Variants in ZNF726 observed in about 807,000 individuals in gnomAD.
ZNF726 encodes the protein zinc finger protein 726, also known as zinc finger protein 92 pseudogene 3.
In ZNF726, 15 loss-of-function variants were observed where a neutral mutation model predicts 11.6. The observed-to-expected ratio is 1.29, with a 90% CI of 0.86 to 1.99. The LOEUF (loss-of-function observed/expected upper bound fraction) is 1.99. Ranked by LOEUF, ZNF726 falls within the 30% of genes most tolerant of loss-of-function variation. The pLI, the probability that ZNF726 is intolerant of heterozygous loss-of-function variation, is 0.00. For missense variants in ZNF726, 890 were observed against 725.6 expected (o/e 1.23, Z -2.60); for synonymous variants, 295 against 243.6 (o/e 1.21, Z -1.96).
At position 23,933,386 on chromosome 19, in the gene ZNF726, C is replaced by G. The variant is rs760223856; in HGVS notation, c.1270C>G (p.Pro424Ala). 3 of 1,612,568 alleles carry G rather than the reference C, an allele frequency of 1.9e-6. No homozygotes were observed. The highest frequency in any genetic ancestry group is 2.5e-6 in the Non-Finnish European group (3 of 1,179,640). Residue 424 changes from proline (P) to alanine (A), a missense_variant, in exon 4 of 4, where the codon CCT (proline) becomes GCT (alanine). Coordinates refer to ENST00000594466, the MANE Select transcript of ZNF726 (RefSeq NM_001244038.2). ...KHKIIHTGEKPYKCEECGKAF... is the reference protein window; with the variant it reads ...KHKIIHTGEKAYKCEECGKAF... ...TAAGATAATTCATACTGGAGAGAAA[C>G]CTTACAAGTGTGAAGAATGCGGCAA...
chr19:23,917,238 A>G (rs1026058272), intron 1 of ZNF726, among the ~76,000 whole-genome samples: 7 of 152,260 alleles, frequency 4.6e-5, no homozygotes, highest in African/African-American at 1.7e-4. Flanking sequence ...GGCATGAGCC[A>G]CTGTGCTCAG....
downstream of ZNF726, chr19:23,934,515 C>A (rs1968194898): frequency 2.7e-6 from 1 of 372,164 alleles, no homozygotes; most frequent in Non-Finnish European, 5.3e-6. Flanking sequence ...TTCCATTGCA[C>A]CTTTATTGTT....
intron 3 of ZNF726, among the ~76,000 whole-genome samples, chr19:23,940,989 T>G (rs1391421410): frequency 6.6e-6 from 1 of 152,128 alleles, no homozygotes; most frequent in Non-Finnish European, 1.5e-5. Context: ...TCTTGTCTTA[T>G]TGCTCTAGGT....
chr19:23,917,991 G>T (rs1967745850), intron 1 of ZNF726, among the ~76,000 whole-genome samples: 1 of 152,146 alleles, frequency 6.6e-6, no homozygotes. Context: ...TGTCTCCATT[G>T]GCTGGAGTTG....
chr19:23,933,572 T>C lies in ZNF726; in HGVS notation c.1456T>C (p.Cys486Arg), dbSNP rs753009821. ...TGEKPYKCEE[C>R]GKAFSQSSTL... ...AGAGAAACCCTACAAATGTGAAGAA[T>C]GTGGCAAAGCTTTTAGCCAGTCCTC... The change falls in exon 4 of 4, where the codon TGT becomes CGT. Residue 486 changes from cysteine to arginine, a missense_variant. Coordinates refer to ENST00000594466, the MANE Select transcript of ZNF726 (RefSeq NM_001244038.2). 6.2e-7 allele frequency: 1 copy of C among 1,612,164 alleles called. No individual in the cohort carries two copies. Among genetic ancestry groups the C allele is most frequent in the South Asian group, 1.1e-5 (1 of 91,066 alleles).
At position 23,934,022 on chromosome 19, in the gene ZNF726, G is replaced by A. The variant is rs182095244; in HGVS notation, c.*55G>A. 14 of 1,375,206 alleles carry A rather than the reference G, an allele frequency of 1.0e-5. No homozygotes were observed. The highest frequency in any genetic ancestry group is 8.0e-5 in the Admixed American group (4 of 50,150). The allele number at this position is 1,375,206 out of a possible 1,614,324, so 85.2% of individuals were successfully genotyped here. ...GCAAAGCATTTATATGGTCCTCAACGCTAAACATAAGAGGATGCACACTGG... is the reference window on the plus strand; with the variant it reads ...GCAAAGCATTTATATGGTCCTCAACACTAAACATAAGAGGATGCACACTGG... On this transcript the variant is annotated 3_prime_UTR_variant, in exon 4 of 4. Transcript: ENST00000594466.
Position 23,932,735 on chromosome 19 carries a change from G to A in ZNF726, c.619G>A (p.Gly207Arg). ...TEKSYKCKEC[G>R]KTFNWSSTLT... ...GAAGTCCTACAAATGTAAAGAATGT[G>A]GAAAAACCTTTAATTGGTCCTCAAC... Residue 207 changes from glycine (G) to arginine (R), a missense_variant, in exon 4 of 4, where the codon GGA becomes AGA. Physicochemically the swap from Gly to Arg is moderately radical, Grantham distance 125. Coordinates refer to ENST00000594466, the MANE Select transcript of ZNF726 (RefSeq NM_001244038.2). 6.2e-7 allele frequency: 1 copy of A among 1,611,396 alleles called. No homozygotes were observed. Among genetic ancestry groups the A allele is most frequent in the Non-Finnish European group, 8.5e-7 (1 of 1,179,348 alleles).
At chr19:23,934,734 G>C (rs898396455), downstream of ZNF726, among the ~76,000 whole-genome samples, 3 of 152,132 alleles carry the variant, frequency 2.0e-5, no homozygotes, top group African/African-American at 7.2e-5. Context: ...TGATCTCTCT[G>C]AGCTCTTTTT....
At chr19:23,926,986 A>G (rs1247014496) in intron 3 of ZNF726, among the ~76,000 whole-genome samples, 1 of 152,100 alleles carries the variant, frequency 6.6e-6, no homozygotes, top group Non-Finnish European at 1.5e-5. Flanking sequence ...TATAAAAATT[A>G]TTATTTTTTG....
At chr19:23,935,400 G>C (rs758897337), downstream of ZNF726, 2 of 523,998 alleles carry the variant, frequency 3.8e-6, no homozygotes, top group South Asian at 1.4e-5. Context: ...AATTGGCAAA[G>C]CCTTTAACCA....
chr19:23,921,806 TACAA>T (rs1203532397), intron 3 of ZNF726, among the ~76,000 whole-genome samples: 2 of 152,230 alleles, frequency 1.3e-5, no homozygotes, highest in Non-Finnish European at 2.9e-5. Context: ...TGACATAATC[TACAA>T]ACAGTGACGT....
At chr19:23,923,165 T>C (rs1053986939) in intron 3 of ZNF726, among the ~76,000 whole-genome samples, 6 of 152,134 alleles carry the variant, frequency 3.9e-5, no homozygotes, top group African/African-American at 1.4e-4. Context: ...TTGTTTCACA[T>C]ATGAGGCTCT....
At chr19:23,918,848 A>G (rs1308822081) in intron 1 of ZNF726, among the ~76,000 whole-genome samples, 1 of 152,056 alleles carries the variant, frequency 6.6e-6, no homozygotes, top group Non-Finnish European at 1.5e-5. Context: ...TGGATGTTTG[A>G]CAAAATAGTC....
chr19:23,943,188 T>C (rs1158050908), intron 3 of ZNF726, among the ~76,000 whole-genome samples: 1 of 152,182 alleles, frequency 6.6e-6, no homozygotes, highest in Non-Finnish European at 1.5e-5. Flanking sequence ...GCCCAGCTAA[T>C]TTTTGTATAT....
chr19:23,922,491 C>T (rs77526093), intron 3 of ZNF726, among the ~76,000 whole-genome samples: 2 of 103,462 alleles, frequency 1.9e-5, no homozygotes, highest in African/African-American at 3.8e-5. Flanking sequence ...CCACGCTGCC[C>T]ATTGGCTCCC....
At chr19:23,939,861 G>GTTTTTTTTTTTTTTT (rs1405429449) in intron 3 of ZNF726, among the ~76,000 whole-genome samples, 2 of 80,138 alleles carry the variant, frequency 2.5e-5, no homozygotes, top group South Asian at 4.5e-4. Flanking sequence ...TTTTTGATGG[G>GTTTTTTTTTTTTTTT]ATTTTTTTTT....
intron 3 of ZNF726, among the ~76,000 whole-genome samples, chr19:23,941,411 G>C (rs1046547576): frequency 6.6e-6 from 1 of 152,132 alleles, no homozygotes; most frequent in South Asian, 2.1e-4. Context: ...TAGCATCAAT[G>C]TTTGTCAAGG....
chr19:23,916,949 G>A (rs1395518981), intron 1 of ZNF726, among the ~76,000 whole-genome samples: 1 of 152,066 alleles, frequency 6.6e-6, no homozygotes, highest in Non-Finnish European at 1.5e-5. Flanking sequence ...TTGACCTAAA[G>A]TTTATTTATG....
At chr19:23,917,085 G>A (rs1967719534) in intron 1 of ZNF726, among the ~76,000 whole-genome samples, 1 of 152,088 alleles carries the variant, frequency 6.6e-6, no homozygotes, top group South Asian at 2.1e-4. Context: ...CAAGTAGGTG[G>A]GATTACAGGT....
Sources: gnomAD v4.1 joint callset for allele counts (sites outside exome capture counted in the v4.1 genomes callset) on GRCh38, gnomAD v4.1.1 for gene constraint, MANE v1.5 for transcripts, NCBI Gene and HGNC (gene_info 2026-07-23, HGNC 2026-07-21) for gene names.